The following APBB1IP variants were observed in gnomAD, a reference collection of about 807,000 sequenced individuals.
The protein encoded by APBB1IP is amyloid beta A4 precursor protein-binding family B member 1-interacting protein.
APBB1IP carries 27 observed loss-of-function variants against 64.9 expected under a neutral mutation model. That is an observed-to-expected ratio of 0.42 (90% CI 0.31 to 0.57). The LOEUF (loss-of-function observed/expected upper bound fraction) is 0.57. Among genes scored for constraint, APBB1IP ranks in the 20% least tolerant of loss-of-function variants. APBB1IP has a pLI of 0.20. For synonymous variants in APBB1IP, 392 were observed against 331.0 expected (o/e 1.18, Z -2.00); for missense variants, 812 against 845.5 (o/e 0.96, Z 0.49).
At chr10:26,451,017 A>G (rs1191973438) in intron 2 of APBB1IP, among the ~76,000 whole-genome samples, 1 of 152,146 alleles carries the variant, frequency 6.6e-6, no homozygotes, top group African/African-American at 2.4e-5. Flanking sequence ...TTCTGTTTCA[A>G]GCAATGAGAT....
chr10:26,557,232 C>T (rs1023300187), intron 11 of APBB1IP, among the ~76,000 whole-genome samples: 2 of 152,130 alleles, frequency 1.3e-5, no homozygotes, highest in Admixed American at 6.5e-5. Context: ...CAGTAAAATG[C>T]CCAGCAGCCA....
intron 2 of APBB1IP, among the ~76,000 whole-genome samples, chr10:26,487,051 G>GTTC (rs1425156148): frequency 6.6e-6 from 1 of 152,114 alleles, no homozygotes; most frequent in Non-Finnish European, 1.5e-5. Context: ...GAACTCAGAA[G>GTTC]TGACATACTC....
intron 8 of APBB1IP, among the ~76,000 whole-genome samples, chr10:26,525,735 A>C (rs933259602): frequency 6.6e-6 from 1 of 152,236 alleles, no homozygotes; most frequent in Non-Finnish European, 1.5e-5. Flanking sequence ...AAATTTATTT[A>C]ATGTAAGTAA....
intron 4 of APBB1IP, among the ~76,000 whole-genome samples, chr10:26,497,006 G>C (rs1271511461): frequency 1.3e-5 from 2 of 151,818 alleles, no homozygotes; most frequent in East Asian, 3.9e-4. Flanking sequence ...TGGACAACAT[G>C]GCAAGACCCC....
intron 2 of APBB1IP, among the ~76,000 whole-genome samples, chr10:26,456,737 TAAA>T (rs9299824): frequency 1.9e-4 from 17 of 90,674 alleles, no homozygotes; most frequent in Non-Finnish European, 2.6e-4. Context: ...AGAACCTGTC[TAAA>T]AAAAAAAAAA....
intron 2 of APBB1IP, among the ~76,000 whole-genome samples, chr10:26,441,284 C>T (rs1835335331): frequency 6.6e-6 from 1 of 152,144 alleles, no homozygotes; most frequent in Admixed American, 6.5e-5. Context: ...TTTTAAAATA[C>T]ATATTACACT....
chr10:26,452,700 G>A (rs1835478267), intron 2 of APBB1IP, among the ~76,000 whole-genome samples: 1 of 152,028 alleles, frequency 6.6e-6, no homozygotes, highest in African/African-American at 2.4e-5. Flanking sequence ...TATTTAGGGG[G>A]TACAAGTGTA....
At chr10:26,530,959 A>T (rs1282885894) in intron 8 of APBB1IP, among the ~76,000 whole-genome samples, 1 of 152,218 alleles carries the variant, frequency 6.6e-6, no homozygotes, top group Non-Finnish European at 1.5e-5. Flanking sequence ...TTGTAATTGC[A>T]CTAATTCACA....
intron 3 of APBB1IP, among the ~76,000 whole-genome samples, chr10:26,495,157 A>C (rs147987347): frequency 6.6e-6 from 1 of 151,262 alleles, no homozygotes; most frequent in Non-Finnish European, 1.5e-5. Context: ...ACAGGTGTGC[A>C]CCACCACACC....
intron 2 of APBB1IP, among the ~76,000 whole-genome samples, chr10:26,489,991 C>T (rs1276918303): frequency 6.6e-6 from 1 of 152,134 alleles, no homozygotes; most frequent in African/African-American, 2.4e-5. Context: ...GGCCATTGCA[C>T]TCCAGCCTGG....
In APBB1IP at chr10:26,567,149, G is replaced by GCCGCCGCCGCCA. The variant is rs760566021; in HGVS notation, c.1674_1685dup (p.Pro559_Pro562dup). On this transcript the variant is annotated inframe_insertion, in exon 15 of 15. Coordinates refer to ENST00000376236, the MANE Select transcript of APBB1IP (RefSeq NM_019043.4). The stretch of plus-strand genomic sequence containing the variant: ...TGCCCGCCCCACCCGACGACTTCCT[G>GCCGCCGCCGCCA]CCGCCGCCGCCACCGCCGCCGCCCC... The GCCGCCGCCGCCA allele has an allele frequency of 3.5e-6, 5 of 1,413,636 alleles. No individual in the cohort carries two copies. Among genetic ancestry groups the GCCGCCGCCGCCA allele is most frequent in the Admixed American group, 6.1e-5 (2 of 32,524 alleles). The allele number at this position is 1,413,636 out of a possible 1,614,324, so 87.6% of individuals were successfully genotyped here.
intron 2 of APBB1IP, among the ~76,000 whole-genome samples, chr10:26,452,184 CAAAT>C (rs1835472929): frequency 6.6e-6 from 1 of 151,722 alleles, no homozygotes; most frequent in Non-Finnish European, 1.5e-5. Flanking sequence ...TTCCTAAAAA[CAAAT>C]AAAACCTTAA....
rs71499396 is a variant in APBB1IP, at chr10:26,514,197, T to G, written c.813+537T>G. Among the ~76,000 whole-genome samples the G allele has an allele frequency of 6.0e-3, 920 of 152,360 alleles. 9 individuals carry two copies. The highest frequency in any genetic ancestry group is 0.014 in the South Asian group (69 of 4,828). On this transcript the variant is annotated intron_variant, in intron 8 of 14. Transcript: ENST00000376236. ...GAAAGAAAAGAATCCATTTTGCTTT[T>G]TTTCATTCCAAATCCAAAACCTATC...
chr10:26,467,232 T>C (rs1408469471), intron 2 of APBB1IP, among the ~76,000 whole-genome samples: 1 of 152,144 alleles, frequency 6.6e-6, no homozygotes, highest in Non-Finnish European at 1.5e-5. Context: ...ACTTTGAGAA[T>C]AGAAGTATGA....
chr10:26,485,544 G>A (rs1362560574), intron 2 of APBB1IP, among the ~76,000 whole-genome samples: 1 of 152,178 alleles, frequency 6.6e-6, no homozygotes, highest in Admixed American at 6.5e-5. Flanking sequence ...ATTCTATAAC[G>A]ATAACAAAAA....
intron 4 of APBB1IP, among the ~76,000 whole-genome samples, chr10:26,500,072 G>T (rs577052683): frequency 1.3e-5 from 2 of 151,872 alleles, no homozygotes; most frequent in Admixed American, 1.3e-4. Flanking sequence ...TTAGCTGGAC[G>T]TAGTGGCATG....
intron 11 of APBB1IP, among the ~76,000 whole-genome samples, chr10:26,548,587 G>A (rs970051559): frequency 7.2e-5 from 11 of 151,832 alleles, no homozygotes; most frequent in South Asian, 6.2e-4. Context: ...TTATTTCTAG[G>A]TATTTTATTT....
intron 2 of APBB1IP, among the ~76,000 whole-genome samples, chr10:26,488,181 G>A (rs1435431340): frequency 6.6e-6 from 1 of 151,794 alleles, no homozygotes; most frequent in Non-Finnish European, 1.5e-5. Flanking sequence ...TGTTTTGGGA[G>A]ACAATTTGTG....
At chr10:26,514,706 G>A (rs1236508684) in intron 8 of APBB1IP, among the ~76,000 whole-genome samples, 1 of 151,858 alleles carries the variant, frequency 6.6e-6, no homozygotes, top group East Asian at 1.9e-4. Context: ...ATCACTAGAG[G>A]GAGAATTAGG....
Sources: gnomAD v4.1 joint callset for allele counts (sites outside exome capture counted in the v4.1 genomes callset) on GRCh38, gnomAD v4.1.1 for gene constraint, MANE v1.5 for transcripts, NCBI Gene and HGNC (gene_info 2026-07-23, HGNC 2026-07-21) for gene names.